The following MRRF variants were observed in gnomAD, a reference collection of about 807,000 sequenced individuals.
MRRF encodes ribosome-recycling factor, mitochondrial.
MRRF carries 18 observed loss-of-function variants against 25.1 expected under a neutral mutation model. The observed-to-expected ratio is 0.72, with a 90% CI of 0.50 to 1.06. MRRF has a LOEUF of 1.06. Among genes scored for constraint, MRRF ranks in the 50% least tolerant of loss-of-function variants. The pLI, the probability that MRRF is intolerant of heterozygous loss-of-function variation, is 0.00. For synonymous variants in MRRF, 113 were observed against 112.1 expected, an observed-to-expected ratio of 1.01 and a Z score of -0.05; for missense variants, 323 against 319.3, an observed-to-expected ratio of 1.01 and a Z score of -0.09.
chr9:122,271,754 C>T (rs976306639), intron 2 of MRRF, among the ~76,000 whole-genome samples: 1 of 152,152 alleles, frequency 6.6e-6, no homozygotes, highest in Non-Finnish European at 1.5e-5. Flanking sequence ...TTATTTAGCA[C>T]CTAACAGGGC....
intron 3 of MRRF, among the ~76,000 whole-genome samples, 199 bp downstream of exon 3, chr9:122,280,797 A>G (rs1202104574): frequency 6.6e-6 from 1 of 152,192 alleles, no homozygotes; most frequent in African/African-American, 2.4e-5. Flanking sequence ...GAGGTAACGT[A>G]TTATGGTTCT....
chr9:122,285,565 T>G (rs1332590776), intron 4 of MRRF: 21 of 443,834 alleles, frequency 4.7e-5, no homozygotes, highest in Non-Finnish European at 8.9e-5. Context: ...TTGGCCAGCG[T>G]GAAAAGGCTC....
chr9:122,280,972 T>C (rs1182882758), intron 3 of MRRF, among the ~76,000 whole-genome samples: 1 of 152,224 alleles, frequency 6.6e-6, no homozygotes, highest in African/African-American at 2.4e-5. Context: ...ATTTTTATTA[T>C]GAATGTACTA....
At chr9:122,296,140 G>GTTT (rs1206906809) in intron 5 of MRRF, among the ~76,000 whole-genome samples, 1 of 148,934 alleles carries the variant, frequency 6.7e-6, no homozygotes. Flanking sequence ...CTGTTTGCGA[G>GTTT]TTTTTTTTTT....
rs969942087 is a variant in MRRF, at chr9:122,329,653, C to T, written c.*7036C>T. ...CCCCTCATCCAATAAGTCACCAAGT[C>T]CTGTCAATTCTCCCTTCAACAGACC... On this transcript the variant is annotated 3_prime_UTR_variant, in exon 7 of 7. Coordinates refer to ENST00000344641, the MANE Select transcript of MRRF (RefSeq NM_138777.5). The T allele has an allele frequency of 6.6e-6, 1 of 152,370 alleles. No individual in the cohort carries two copies. The highest frequency in any genetic ancestry group is 2.4e-5 in the African/African-American group (1 of 41,470). 9.4% of individuals were successfully genotyped at this position (152,370 alleles called of 1,614,324 possible). A position where few individuals can be genotyped will look rare whatever the true frequency, so the allele number is the denominator to read the frequency against.
intron 4 of MRRF, among the ~76,000 whole-genome samples, chr9:122,289,733 G>C (rs1223175983): frequency 6.6e-6 from 1 of 151,556 alleles, no homozygotes; most frequent in African/African-American, 2.4e-5. Context: ...GGCTATTTAA[G>C]AAAAATATCA....
rs541196873 is a variant in MRRF, at chr9:122,317,760, CTT to C, written c.711+4379_711+4380del. On this transcript the variant is annotated intron_variant, in intron 6 of 6. Transcript: ENST00000344641. ...TGGATTTTATTTTGAGTGAGATTAT[CTT>C]TTTTAATTTTCAAAAATCTTTTGAG... Among the ~76,000 whole-genome samples the C allele has an allele frequency of 1.6e-3, 240 of 152,160 alleles. 3 individuals carry two copies. The highest frequency in any genetic ancestry group is 5.3e-3 in the African/African-American group (220 of 41,532).
At chr9:122,271,768 G>T (rs1218704785) in intron 2 of MRRF, among the ~76,000 whole-genome samples, 1 of 152,222 alleles carries the variant, frequency 6.6e-6, no homozygotes, top group Non-Finnish European at 1.5e-5. Context: ...ACAGGGCCTG[G>T]ATTTAGTATG....
At chr9:122,270,809 A>G in intron 1 of MRRF, 55 bp from the exon 2 acceptor site, 2 of 1,415,028 alleles carry the variant, frequency 1.4e-6, no homozygotes, top group South Asian at 2.3e-5. Flanking sequence ...CTGAAGTTGC[A>G]AGCTTTGTAC....
chr9:122,304,100 C>CACACACACACACACACACACACA (rs907283393), intron 5 of MRRF, among the ~76,000 whole-genome samples: 8 of 149,994 alleles, frequency 5.3e-5, no homozygotes, highest in African/African-American at 2.0e-4. Context: ...CACACACACA[C>CACACACACACACACACACACACA]CCTTTAGGGA....
In MRRF at chr9:122,322,740, G is replaced by A; in HGVS notation, c.*123G>A. ...ACTGTCACCATGCTGACAGAAGCCT[G>A]TCCTTGTAAGGCCCAGCCTTCCAGG... is the stretch of plus-strand genomic sequence containing the variant. On this transcript the variant is annotated 3_prime_UTR_variant, in exon 7 of 7. Transcript: ENST00000344641. 3.5e-6 allele frequency: 3 copies of A among 860,058 alleles called. No homozygotes were observed. The allele number at this position is 860,058 out of a possible 1,614,324, so 53.3% of individuals were successfully genotyped here.
In MRRF at chr9:122,328,264, G is replaced by GTGCCC. The variant is rs572298600; in HGVS notation, c.*5648_*5652dup. 6.6e-6 allele frequency: 1 copy of GTGCCC among 152,154 alleles called. No homozygotes were observed. Among genetic ancestry groups the GTGCCC allele is most frequent in the Non-Finnish European group, 1.5e-5 (1 of 68,048 alleles). The allele number at this position is 152,154 out of a possible 1,614,324, so 9.4% of individuals were successfully genotyped here. A position where few individuals can be genotyped will look rare whatever the true frequency, so the allele number is the denominator to read the frequency against. ...GCTGGGATTACAGGCTTGAGCTTCT[G>GTGCCC]TGCCCAGCCTTAACCATTTTAAGTG... On this transcript the variant is annotated 3_prime_UTR_variant, in exon 7 of 7. Transcript: ENST00000344641.
intron 5 of MRRF, among the ~76,000 whole-genome samples, chr9:122,300,096 C>A (rs951640388): frequency 6.6e-6 from 1 of 152,154 alleles, no homozygotes; most frequent in Non-Finnish European, 1.5e-5. Flanking sequence ...GAGGGAGACT[C>A]ACACTGCAGT....
rs61354968 is a variant in MRRF at position 122,293,570 on chromosome 9, G to T, written c.551+1730G>T. On this transcript the variant is annotated intron_variant, in intron 5 of 6. Transcript: ENST00000344641. ...GTTCTCAGTACTCTGTGAGGCTGAA[G>T]TAACACTCTGCTTTGAAATCATGTG... 4.5e-3 allele frequency among the ~76,000 whole-genome samples: 690 copies of T among 152,294 alleles called. 26 individuals are homozygous for T. In the East Asian group the frequency reaches 0.09, roughly 20 times the overall value.
At chr9:122,300,778 T>C (rs1330360716) in intron 5 of MRRF, among the ~76,000 whole-genome samples, 1 of 152,222 alleles carries the variant, frequency 6.6e-6, no homozygotes, top group Non-Finnish European at 1.5e-5. Context: ...TGGAAGTATC[T>C]TGGAATTTAA....
chr9:122,306,425 G>C (rs1564505138), intron 5 of MRRF, among the ~76,000 whole-genome samples: 1 of 152,162 alleles, frequency 6.6e-6, no homozygotes, highest in East Asian at 1.9e-4. Context: ...GAAGTAAATG[G>C]TATTATACAC....
intron 1 of MRRF, among the ~76,000 whole-genome samples, chr9:122,269,492 A>G (rs1832321488): frequency 6.6e-6 from 1 of 152,184 alleles, no homozygotes; most frequent in South Asian, 2.1e-4. Flanking sequence ...TGGGAGGCCA[A>G]GGCAGGTGGA....
At position 122,291,452 on chromosome 9, in the gene MRRF, G is replaced by A. The variant is rs140077839; in HGVS notation, c.460-297G>A. Among the ~76,000 whole-genome samples the A allele has an allele frequency of 2.6e-5, 4 of 152,208 alleles. No individual in the cohort carries two copies. The East Asian group carries it at 7.7e-4, about 29-fold the overall frequency. Reference sequence around the variant, plus strand: ...CCCCCCTCCCTTGAGGATTTATTGTGGTTTTGATCTGTGTTGCCTCAAACC... The same window carrying A: ...CCCCCCTCCCTTGAGGATTTATTGTAGTTTTGATCTGTGTTGCCTCAAACC... On this transcript the variant is annotated intron_variant, in intron 4 of 6. Transcript: ENST00000344641.
chr9:122,313,614 A>G (rs1444975374), intron 6 of MRRF, among the ~76,000 whole-genome samples: 2 of 152,184 alleles, frequency 1.3e-5, no homozygotes, highest in Non-Finnish European at 2.9e-5. Context: ...AACACTTTAT[A>G]TTACTTCATT....
Sources: gnomAD v4.1 joint callset for allele counts (sites outside exome capture counted in the v4.1 genomes callset) on GRCh38, gnomAD v4.1.1 for gene constraint, MANE v1.5 for transcripts, NCBI Gene and HGNC (gene_info 2026-07-23, HGNC 2026-07-21) for gene names.